Variants in RIT2 observed in about 807,000 individuals in gnomAD.
RIT2 encodes the protein GTP-binding protein Rit2.
A neutral mutation model predicts 23.7 loss-of-function variants in RIT2; 24 were observed. The ratio of observed to expected loss-of-function variants is 1.01; its 90% CI spans 0.73 to 1.43. RIT2 has a LOEUF of 1.43. Among genes scored for constraint, RIT2 ranks in the 40% most tolerant of loss-of-function variants. RIT2 has a pLI of 0.00. For missense variants in RIT2, 236 were observed against 266.9 expected, an observed-to-expected ratio of 0.88 and a Z score of 0.81; for synonymous variants, 107 against 91.1, an observed-to-expected ratio of 1.17 and a Z score of -0.99.
At chr18:43,075,008 A>G (rs899485429) in intron 1 of RIT2, among the ~76,000 whole-genome samples, 7 of 152,216 alleles carry the variant, frequency 4.6e-5, no homozygotes, top group African/African-American at 7.2e-5. Context: ...ACATTTACCT[A>G]TGTAACAAAC....
intron 4 of RIT2, among the ~76,000 whole-genome samples, chr18:42,909,592 A>G (rs1175212638): frequency 6.6e-6 from 1 of 152,160 alleles, no homozygotes; most frequent in Non-Finnish European, 1.5e-5. Flanking sequence ...CAGTTCCAAT[A>G]AATCTCAGAA....
rs115663533 is a variant in RIT2, at chr18:43,055,620, A to C, written c.104-21753T>G. ...AGCTCCTTTAGTAACTCCTGAATAC[A>C]AACACAAAAGGAGTTCTTCACTGTG... is the stretch of plus-strand genomic sequence containing the variant. On this transcript the variant is annotated intron_variant, in intron 1 of 4. Coordinates refer to ENST00000326695, the MANE Select transcript of RIT2 (RefSeq NM_002930.4). 4.5e-3 allele frequency among the ~76,000 whole-genome samples: 688 copies of C among 152,268 alleles called. 6 individuals are homozygous for C. The highest frequency in any genetic ancestry group is 0.016 in the African/African-American group (658 of 41,550).
At chr18:42,872,364 C>G (rs912310041) in intron 4 of RIT2, among the ~76,000 whole-genome samples, 1 of 152,136 alleles carries the variant, frequency 6.6e-6, no homozygotes. Context: ...CACTGTAGAC[C>G]TGTGCAGATT....
intron 2 of RIT2, among the ~76,000 whole-genome samples, chr18:43,021,491 G>T: frequency 1.3e-5 from 2 of 152,054 alleles, no homozygotes; most frequent in East Asian, 3.9e-4. Context: ...CAATTCTCAG[G>T]TTGAGTTGTT....
chr18:42,766,705 C>A (rs1334002432), intron 4 of RIT2, among the ~76,000 whole-genome samples: 4 of 152,172 alleles, frequency 2.6e-5, no homozygotes, highest in African/African-American at 4.8e-5. Context: ...ATGTCAGAGA[C>A]CTTCAGGGCA....
intron 2 of RIT2, among the ~76,000 whole-genome samples, chr18:42,990,915 T>TTTG (rs1555650889): frequency 2.7e-5 from 4 of 148,210 alleles, no homozygotes; most frequent in Non-Finnish European, 4.4e-5. Flanking sequence ...TGGTTTTGTT[T>TTTG]TTTTTTTTTT....
intron 4 of RIT2, among the ~76,000 whole-genome samples, chr18:42,885,672 A>T (rs8091616): frequency 0.026 from 3,907 of 152,244 alleles, 160 homozygotes; most frequent in African/African-American, 0.087. Flanking sequence ...ATTAGAGGAG[A>T]GGGTTGGTGG....
chr18:42,763,199 A>G (rs1287118953), intron 4 of RIT2, among the ~76,000 whole-genome samples: 3 of 152,220 alleles, frequency 2.0e-5, no homozygotes, highest in African/African-American at 7.2e-5. Context: ...GCTGTGGCTC[A>G]CGCCTGTAAT....
intron 4 of RIT2, among the ~76,000 whole-genome samples, chr18:42,775,803 T>C (rs887588652): frequency 3.3e-5 from 5 of 152,014 alleles, no homozygotes; most frequent in Non-Finnish European, 7.4e-5. Context: ...ATGGATTTCC[T>C]CTTTGCTAGA....
chr18:43,054,388 A>C (rs1912451803), intron 1 of RIT2, among the ~76,000 whole-genome samples: 1 of 152,100 alleles, frequency 6.6e-6, no homozygotes, highest in South Asian at 2.1e-4. Context: ...ACTAATCTTT[A>C]ACTCCTAATA....
chr18:42,743,245 A>G lies in RIT2; in HGVS notation c.*248T>C, dbSNP rs781101277. The G allele has an allele frequency of 5.2e-5, 24 of 465,430 alleles. No individual in the cohort carries two copies. Among genetic ancestry groups the G allele is most frequent in the Middle Eastern group, 5.9e-4 (1 of 1,694 alleles). The allele number at this position is 465,430 out of a possible 1,614,324, so 28.8% of individuals were successfully genotyped here. ...AGGGAAATGAGGCAATTGGAATGTCAATTTTATTTAGTACTATGTTGTAAA... is the reference window on the plus strand; with the variant it reads ...AGGGAAATGAGGCAATTGGAATGTCGATTTTATTTAGTACTATGTTGTAAA... On this transcript the variant is annotated 3_prime_UTR_variant, in exon 5 of 5. Transcript: ENST00000326695.
rs146338455 is a variant in RIT2 at position 42,815,866 on chromosome 18, A to G, written c.427-72146T>C. 1.1e-3 allele frequency among the ~76,000 whole-genome samples: 173 copies of G among 152,306 alleles called. 1 individual carries two copies. Among genetic ancestry groups the G allele is most frequent in the African/African-American group, 3.8e-3 (156 of 41,568 alleles). ...TAACTACATTTTATTTGACACATTA[A>G]TGTATGTTTAAAAATCTAAAAATCT... On this transcript the variant is annotated intron_variant, in intron 4 of 4. Transcript: ENST00000326695.
chr18:42,935,709 A>G (rs994055179), intron 3 of RIT2, among the ~76,000 whole-genome samples: 2 of 152,160 alleles, frequency 1.3e-5, no homozygotes, highest in Non-Finnish European at 2.9e-5. Context: ...AGAATTGAAC[A>G]AAGTGCGCAA....
At chr18:43,012,150 C>T (rs1405771278) in intron 2 of RIT2, among the ~76,000 whole-genome samples, 1 of 151,772 alleles carries the variant, frequency 6.6e-6, no homozygotes, top group African/African-American at 2.4e-5. Context: ...GTGATCATCT[C>T]ATTTCTCTTT....
At chr18:43,005,683 C>CTTTATT (rs1218238177) in intron 2 of RIT2, among the ~76,000 whole-genome samples, 3 of 151,680 alleles carry the variant, frequency 2.0e-5, no homozygotes, top group Non-Finnish European at 2.9e-5. Flanking sequence ...AAAATGCCCC[C>CTTTATT]TAAGGCAAAA....
In RIT2 at chr18:42,855,234, C is replaced by T. The variant is rs1907151547; in HGVS notation, c.426+68338G>A. The stretch of plus-strand genomic sequence containing the variant: ...GATAACAAGGCCTGGTGGGATCTTG[C>T]TTTTTTGAGGTTAGATTATTGTATA... On this transcript the variant is annotated intron_variant, in intron 4 of 4. Coordinates refer to ENST00000326695, the MANE Select transcript of RIT2 (RefSeq NM_002930.4). Among the ~76,000 whole-genome samples, 3 of 152,176 alleles carry T rather than the reference C, an allele frequency of 2.0e-5. No individual in the cohort carries two copies. The South Asian group carries it at 6.2e-4, about 32-fold the overall frequency.
At chr18:42,864,769 C>G (rs549769362) in intron 4 of RIT2, among the ~76,000 whole-genome samples, 1 of 152,304 alleles carries the variant, frequency 6.6e-6, no homozygotes, top group East Asian at 1.9e-4. Context: ...AACCCACAAG[C>G]TTAACAATTT....
chr18:42,797,242 A>G (rs1905391061), intron 4 of RIT2, among the ~76,000 whole-genome samples: 1 of 152,168 alleles, frequency 6.6e-6, no homozygotes, highest in Non-Finnish European at 1.5e-5. Flanking sequence ...CAAAGTCCTA[A>G]GAAAGGTCAC....
At chr18:42,953,300 C>T (rs1568038595) in intron 3 of RIT2, among the ~76,000 whole-genome samples, 1 of 151,998 alleles carries the variant, frequency 6.6e-6, no homozygotes, top group African/African-American at 2.4e-5. Flanking sequence ...CTCCTAAAAC[C>T]TTATCCTTTA....
Sources: gnomAD v4.1 joint callset for allele counts (sites outside exome capture counted in the v4.1 genomes callset) on GRCh38, gnomAD v4.1.1 for gene constraint, MANE v1.5 for transcripts, NCBI Gene and HGNC (gene_info 2026-07-23, HGNC 2026-07-21) for gene names.